GABRA2: variants seen among roughly 807,000 people sequenced by gnomAD.
GABRA2 encodes gamma-aminobutyric acid receptor subunit alpha-2.
In GABRA2, 16 loss-of-function variants were observed where a neutral mutation model predicts 48.7. That is an observed-to-expected ratio of 0.33 (90% CI 0.22 to 0.50). The LOEUF (loss-of-function observed/expected upper bound fraction) is 0.50. GABRA2 is among the 20% of genes least tolerant of loss of function. The pLI is 0.98. For missense variants in GABRA2, 275 were observed against 535.6 expected, an observed-to-expected ratio of 0.51 and a Z score of 4.80; for synonymous variants, 185 against 184.5, an observed-to-expected ratio of 1.00 and a Z score of -0.02.
intron 8 of GABRA2, among the ~76,000 whole-genome samples, chr4:46,285,045 AC>A (rs1441827930): frequency 1.5e-5 from 2 of 137,336 alleles, no homozygotes; most frequent in African/African-American, 5.3e-5. Context: ...AAAAAAAAAA[AC>A]CTCAGAAAAC....
rs1416229852 is a variant in GABRA2 at position 46,244,970 on chromosome 4, T to A, written c.*5338A>T. ...TTGAATGAATATTCCCCAAAAGGCA[T>A]GAATATAAATTTGAATTAAAGCAAA... is the stretch of plus-strand genomic sequence containing the variant. On this transcript the variant is annotated 3_prime_UTR_variant, in exon 10 of 10. Transcript: ENST00000381620. 2.6e-5 allele frequency among the ~76,000 whole-genome samples: 4 copies of A among 151,414 alleles called. No individual in the cohort carries two copies. The highest frequency in any genetic ancestry group is 4.8e-5 in the African/African-American group (2 of 41,392).
intron 7 of GABRA2, among the ~76,000 whole-genome samples, chr4:46,304,507 T>C (rs189360149): frequency 6.6e-6 from 1 of 152,196 alleles, no homozygotes; most frequent in East Asian, 1.9e-4. Context: ...ATTTATTATT[T>C]TTTAAAGGAA....
chr4:46,389,562 G>T (rs1162112773), intron 1 of GABRA2, 173 bp downstream of exon 1: 1 of 414,716 alleles, frequency 2.4e-6, no homozygotes, highest in Non-Finnish European at 3.2e-6. Context: ...TGCTTCTGGT[G>T]ATAAGTATCG....
chr4:46,336,145 G>A (rs1324445811), intron 3 of GABRA2, among the ~76,000 whole-genome samples: 2 of 152,142 alleles, frequency 1.3e-5, no homozygotes, highest in Non-Finnish European at 2.9e-5. Flanking sequence ...TCTATCACAT[G>A]TTACATGCTG....
chr4:46,350,865 G>T (rs988252951), intron 3 of GABRA2, among the ~76,000 whole-genome samples: 1 of 151,926 alleles, frequency 6.6e-6, no homozygotes, highest in Non-Finnish European at 1.5e-5. Flanking sequence ...TTATGTCCAT[G>T]AAGTGTGCAT....
chr4:46,292,413 G>A (rs1723847712), intron 8 of GABRA2, among the ~76,000 whole-genome samples: 1 of 152,224 alleles, frequency 6.6e-6, no homozygotes, highest in Admixed American at 6.5e-5. Flanking sequence ...GTTAAAGTGA[G>A]GACATTAATT....
chr4:46,371,595 AT>A (rs34134972), intron 3 of GABRA2, among the ~76,000 whole-genome samples: 3 of 151,804 alleles, frequency 2.0e-5, no homozygotes, highest in Admixed American at 2.0e-4. Flanking sequence ...ATAGATATAG[AT>A]TTTTTTTACT....
intron 3 of GABRA2, among the ~76,000 whole-genome samples, chr4:46,375,217 T>C (rs1283538676): frequency 6.6e-6 from 1 of 152,166 alleles, no homozygotes; most frequent in Admixed American, 6.5e-5. Context: ...TCAGCTTCTG[T>C]ATTAAATCAT....
At position 46,244,009 on chromosome 4, in the gene GABRA2, T is replaced by C. The variant is rs1347100233; in HGVS notation, c.*6299A>G. 6.6e-6 allele frequency: 1 copy of C among 151,548 alleles called. No homozygotes were observed. The highest frequency in any genetic ancestry group is 2.4e-5 in the African/African-American group (1 of 41,406). The allele number at this position is 151,548 out of a possible 1,614,324, so 9.4% of individuals were successfully genotyped here. Reference sequence around the variant, plus strand: ...AGTTTGAAGCACATCAAAACCTGAATTTGTATCTGCTCAGGAAAATCTTGA... The same window carrying C: ...AGTTTGAAGCACATCAAAACCTGAACTTGTATCTGCTCAGGAAAATCTTGA... On this transcript the variant is annotated 3_prime_UTR_variant, in exon 10 of 10. Coordinates refer to ENST00000381620, the MANE Select transcript of GABRA2 (RefSeq NM_000807.4).
chr4:46,290,049 T>C (rs1328146685), intron 8 of GABRA2, among the ~76,000 whole-genome samples: 3 of 151,022 alleles, frequency 2.0e-5, no homozygotes, highest in African/African-American at 7.3e-5. Context: ...GTAGCTGGGA[T>C]TACAGGCGCC....
intron 2 of GABRA2, among the ~76,000 whole-genome samples, chr4:46,387,489 A>G (rs1043305093): frequency 1.3e-5 from 2 of 152,180 alleles, no homozygotes; most frequent in African/African-American, 4.8e-5. Context: ...GAAGATAAAC[A>G]TCTACAAATT....
chr4:46,370,815 T>C (rs968394283), intron 3 of GABRA2, among the ~76,000 whole-genome samples: 1 of 152,114 alleles, frequency 6.6e-6, no homozygotes, highest in African/African-American at 2.4e-5. Flanking sequence ...ACTCTGTCTA[T>C]TTCTCTACAA....
chr4:46,326,330 T>C (rs955864980), intron 4 of GABRA2, among the ~76,000 whole-genome samples: 1 of 151,796 alleles, frequency 6.6e-6, no homozygotes, highest in African/African-American at 2.4e-5. Context: ...CACCCCCAGG[T>C]GATGTTTTAC....
intron 4 of GABRA2, among the ~76,000 whole-genome samples, chr4:46,321,156 T>C (rs965005715): frequency 1.3e-5 from 2 of 151,814 alleles, no homozygotes; most frequent in African/African-American, 4.8e-5. Flanking sequence ...CTCACTTACA[T>C]GTGGAAAAAA....
rs571037102 is a variant in GABRA2 at position 46,259,437 on chromosome 4, A to G, written c.1059+2489T>C. Among the ~76,000 whole-genome samples the G allele has an allele frequency of 1.1e-4, 16 of 152,018 alleles. No homozygotes were observed. In the South Asian group the frequency reaches 3.1e-3, roughly 30 times the overall value. On this transcript the variant is annotated intron_variant, in intron 9 of 9. Transcript: ENST00000381620. ...GCAAGGTAGCTCTGCCTTTTAATAT[A>G]GGGCTCAAATGTAGCTTGAGTATAA...
intron 3 of GABRA2, among the ~76,000 whole-genome samples, chr4:46,373,715 A>C (rs1383640969): frequency 6.6e-6 from 1 of 152,062 alleles, no homozygotes; most frequent in African/African-American, 2.4e-5. Flanking sequence ...ATTAACTCCC[A>C]TTGTTGTATG....
chr4:46,374,791 GC>G, intron 3 of GABRA2, among the ~76,000 whole-genome samples: 1 of 151,770 alleles, frequency 6.6e-6, no homozygotes, highest in Non-Finnish European at 1.5e-5. Context: ...AATTATTAAT[GC>G]CCTAATTCAT....
chr4:46,365,047 A>C (rs937323437), intron 3 of GABRA2: 11 of 152,210 alleles, frequency 7.2e-5, no homozygotes, highest in African/African-American at 2.7e-4. Context: ...CATGATTAGA[A>C]ATCTAACAGG....
intron 8 of GABRA2, among the ~76,000 whole-genome samples, chr4:46,280,214 G>A (rs1452035988): frequency 3.3e-5 from 5 of 152,046 alleles, no homozygotes; most frequent in African/African-American, 4.8e-5. Context: ...GTCAGAAATC[G>A]TGAGACAGTT....
Sources: gnomAD v4.1 joint callset for allele counts (sites outside exome capture counted in the v4.1 genomes callset) on GRCh38, gnomAD v4.1.1 for gene constraint, MANE v1.5 for transcripts, NCBI Gene and HGNC (gene_info 2026-07-23, HGNC 2026-07-21) for gene names.